Variants in RTN4IP1 observed in about 807,000 individuals in gnomAD.
RTN4IP1 encodes NAD(P)H oxidoreductase RTN4IP1, mitochondrial.
Under a neutral mutation model 46.6 loss-of-function variants are expected in RTN4IP1, and 32 were observed. The ratio of observed to expected loss-of-function variants is 0.69; its 90% CI spans 0.52 to 0.92. The LOEUF (loss-of-function observed/expected upper bound fraction) is 0.92. RTN4IP1 is among the 40% of genes least tolerant of loss of function. The pLI, the probability that RTN4IP1 is intolerant of heterozygous loss-of-function variation, is 0.00. For synonymous variants in RTN4IP1, 167 were observed against 161.8 expected, an observed-to-expected ratio of 1.03 and a Z score of -0.24; for missense variants, 424 against 485.8, an observed-to-expected ratio of 0.87 and a Z score of 1.20.
intron 4 of RTN4IP1, among the ~76,000 whole-genome samples, chr6:106,617,956 A>G (rs941758738): frequency 2.6e-5 from 4 of 152,388 alleles, no homozygotes; most frequent in Middle Eastern, 3.4e-3. Flanking sequence ...AAGAGAAACC[A>G]TTAGAAAAAT....
intron 8 of RTN4IP1, among the ~76,000 whole-genome samples, chr6:106,574,685 C>T (rs1203621609): frequency 6.6e-6 from 1 of 152,184 alleles, no homozygotes; most frequent in African/African-American, 2.4e-5. Context: ...TGGGACTCAC[C>T]CAGCCCTTTG....
intron 6 of RTN4IP1, among the ~76,000 whole-genome samples, chr6:106,590,197 G>A (rs1483139000): frequency 6.6e-6 from 1 of 152,048 alleles, no homozygotes; most frequent in Non-Finnish European, 1.5e-5. Flanking sequence ...GTGGGTGCCT[G>A]TAATCCCAGC....
intron 6 of RTN4IP1, among the ~76,000 whole-genome samples, chr6:106,591,753 A>T (rs1257601016): frequency 6.6e-6 from 1 of 152,010 alleles, no homozygotes; most frequent in African/African-American, 2.4e-5. Context: ...TTAGACTTAC[A>T]CTGTTTCTCT....
chr6:106,588,455 G>A (rs779814039), intron 6 of RTN4IP1, among the ~76,000 whole-genome samples: 2 of 152,120 alleles, frequency 1.3e-5, no homozygotes, highest in Non-Finnish European at 2.9e-5. Flanking sequence ...TCTATCATTT[G>A]GTTTCAGGTA....
At chr6:106,586,170 A>G (rs1775479575) in intron 7 of RTN4IP1, among the ~76,000 whole-genome samples, 1 of 152,186 alleles carries the variant, frequency 6.6e-6, no homozygotes, top group African/African-American at 2.4e-5. Context: ...CAAGAGACCA[A>G]AGTCCTAAGT....
At chr6:106,619,478 G>C in intron 3 of RTN4IP1, 152 bp from the exon 4 acceptor site, 1 of 834,402 alleles carries the variant, frequency 1.2e-6, no homozygotes, top group East Asian at 2.8e-5. Flanking sequence ...TCCTGCCTCT[G>C]CCACCTCTGA....
At chr6:106,610,811 T>C (rs1442928392) in intron 4 of RTN4IP1, among the ~76,000 whole-genome samples, 1 of 152,202 alleles carries the variant, frequency 6.6e-6, no homozygotes, top group Non-Finnish European at 1.5e-5. Flanking sequence ...GGAGAAAATA[T>C]GAATCAGTAT....
At chr6:106,586,657 G>A (rs1292186109) in intron 7 of RTN4IP1, among the ~76,000 whole-genome samples, 1 of 152,132 alleles carries the variant, frequency 6.6e-6, no homozygotes, top group African/African-American at 2.4e-5. Flanking sequence ...ACAGGCATAA[G>A]ACACCGTGCC....
intron 5 of RTN4IP1, among the ~76,000 whole-genome samples, chr6:106,592,960 TCA>T (rs1285407682): frequency 3.9e-5 from 6 of 151,922 alleles, no homozygotes; most frequent in African/African-American, 1.2e-4. Context: ...TTTAGCACTT[TCA>T]AGGATAGCAA....
intron 8 of RTN4IP1, among the ~76,000 whole-genome samples, chr6:106,581,243 ATT>A (rs1775364003): frequency 6.6e-6 from 1 of 152,198 alleles, no homozygotes; most frequent in Non-Finnish European, 1.5e-5. Flanking sequence ...AAGTTCAAGT[ATT>A]TTAAAAGAGT....
chr6:106,598,054 CATGGTGTAT>C (rs1459028749), intron 5 of RTN4IP1, among the ~76,000 whole-genome samples: 1 of 152,142 alleles, frequency 6.6e-6, no homozygotes, highest in Non-Finnish European at 1.5e-5. Context: ...CATAGTATTC[CATGGTGTAT>C]ATGTGCCAAA....
intron 6 of RTN4IP1, among the ~76,000 whole-genome samples, chr6:106,589,968 A>G (rs528183091): frequency 1.2e-4 from 19 of 152,328 alleles, no homozygotes; most frequent in South Asian, 4.1e-4. Flanking sequence ...AGTGTCCTCT[A>G]GCCTTCCGTC....
chr6:106,611,526 T>C (rs1417845572), intron 4 of RTN4IP1, among the ~76,000 whole-genome samples: 1 of 152,228 alleles, frequency 6.6e-6, no homozygotes, highest in Non-Finnish European at 1.5e-5. Flanking sequence ...GTATCTCATC[T>C]TTCACCTCCA....
chr6:106,618,177 T>G (rs891919570), intron 4 of RTN4IP1, among the ~76,000 whole-genome samples: 7 of 152,224 alleles, frequency 4.6e-5, no homozygotes, highest in Non-Finnish European at 1.0e-4. Context: ...TTCATAAAAT[T>G]TAATGCTCTA....
chr6:106,617,125 C>T (rs1317293312), intron 4 of RTN4IP1, among the ~76,000 whole-genome samples: 1 of 152,214 alleles, frequency 6.6e-6, no homozygotes, highest in Non-Finnish European at 1.5e-5. Flanking sequence ...AACCTGATGT[C>T]ACCTTGATCT....
rs1437549411 is a variant in RTN4IP1 at position 106,602,845 on chromosome 6, C to T, written c.669+29G>A. Reference sequence around the variant, plus strand: ...ATAAATTCATGCAAACAAAATCCTCCTATTCACAAGATTAAAAAATGGTTT... The same window carrying T: ...ATAAATTCATGCAAACAAAATCCTCTTATTCACAAGATTAAAAAATGGTTT... On this transcript the variant is annotated intron_variant, in intron 5 of 8. Transcript: ENST00000369063. 10 of 1,495,410 alleles carry T rather than the reference C, an allele frequency of 6.7e-6. No homozygotes were observed. The East Asian group carries it at 1.9e-4, about 28-fold the overall frequency. The allele number at this position is 1,495,410 out of a possible 1,614,324, so 92.6% of individuals were successfully genotyped here. A position where few individuals can be genotyped will look rare whatever the true frequency, so the allele number is the denominator to read the frequency against.
At chr6:106,579,296 C>T (rs4946767) in intron 8 of RTN4IP1, among the ~76,000 whole-genome samples, 147,813 of 152,252 alleles carry the variant, frequency 0.97, 71,890 homozygotes, top group East Asian at 1. Flanking sequence ...AGGCCTCAGA[C>T]TGAATGTGGC....
chr6:106,589,903 G>A (rs1002368370), intron 6 of RTN4IP1, among the ~76,000 whole-genome samples: 2 of 152,170 alleles, frequency 1.3e-5, no homozygotes, highest in African/African-American at 4.8e-5. Context: ...AAGACCACTT[G>A]CCAGGAAGAG....
At chr6:106,580,545 C>T (rs1034229208) in intron 8 of RTN4IP1, among the ~76,000 whole-genome samples, 2 of 151,886 alleles carry the variant, frequency 1.3e-5, no homozygotes, top group Admixed American at 6.6e-5. Context: ...AGGGCGAAAC[C>T]CCATCTCTAC....
Sources: allele counts gnomAD v4.1 joint callset (sites outside exome capture counted in the v4.1 genomes callset), GRCh38; gene constraint gnomAD v4.1.1; transcripts MANE v1.5; gene names NCBI Gene and HGNC (gene_info 2026-07-23, HGNC 2026-07-21).